The following BCL11A variants were observed in gnomAD, a reference collection of about 807,000 sequenced individuals.
The protein encoded by BCL11A is BCL11 transcription factor A.
In BCL11A, 2 loss-of-function variants were observed where a neutral mutation model predicts 55.9. The ratio of observed to expected loss-of-function variants is 0.04; its 90% CI spans 0.01 to 0.11. The LOEUF is 0.11. Ranked by LOEUF, BCL11A falls within the 10% of genes least tolerant of loss-of-function variation. The pLI, the probability that BCL11A is intolerant of heterozygous loss-of-function variation, is 1.00. For missense variants in BCL11A, 817 were observed against 1,137.1 expected (o/e 0.72, Z 4.05); for synonymous variants, 465 against 473.4 (o/e 0.98, Z 0.23).
chr2:60,482,452 A>G (rs950126578), intron 2 of BCL11A, among the ~76,000 whole-genome samples: 1 of 152,228 alleles, frequency 6.6e-6, no homozygotes, highest in African/African-American at 2.4e-5. Context: ...CCAGGCATAC[A>G]GAGTGGGAAA....
chr2:60,552,465 G>T (rs1670454415), intron 1 of BCL11A, among the ~76,000 whole-genome samples: 1 of 152,038 alleles, frequency 6.6e-6, no homozygotes, highest in South Asian at 2.1e-4. Context: ...AGCGCGAGGA[G>T]CCGGCACAAA....
At chr2:60,464,913 C>T (rs1163235733) in intron 3 of BCL11A, among the ~76,000 whole-genome samples, 3 of 152,142 alleles carry the variant, frequency 2.0e-5, no homozygotes, top group Non-Finnish European at 4.4e-5. Context: ...GAGCATACAA[C>T]ATACAGTTTT....
chr2:60,514,143 T>C lies in BCL11A; in HGVS notation c.385+31828A>G, dbSNP rs113246842. Among the ~76,000 whole-genome samples the C allele has an allele frequency of 2.6e-3, 392 of 152,256 alleles. 3 individuals are homozygous for C. Among genetic ancestry groups the C allele is most frequent in the African/African-American group, 8.6e-3 (359 of 41,550 alleles). ...AGCTAGCAGTGCTCCAAGCACTCTC[T>C]GAGAGGCTTCCAGGCTGGAGCTCTG... On this transcript the variant is annotated intron_variant, in intron 2 of 3. Coordinates refer to ENST00000642384, the MANE Select transcript of BCL11A (RefSeq NM_022893.4).
At chr2:60,488,320 G>A (rs768518278) in intron 2 of BCL11A, among the ~76,000 whole-genome samples, 1 of 152,208 alleles carries the variant, frequency 6.6e-6, no homozygotes, top group Non-Finnish European at 1.5e-5. Context: ...AGTGGGAATT[G>A]CCATTGTGTC....
At chr2:60,469,297 T>C (rs989335371) in intron 2 of BCL11A, among the ~76,000 whole-genome samples, 1 of 152,188 alleles carries the variant, frequency 6.6e-6, no homozygotes, top group Non-Finnish European at 1.5e-5. Context: ...TGAGTAGATT[T>C]GTGAATCGTT....
At chr2:60,465,690 C>T (rs2103899943) in intron 3 of BCL11A, among the ~76,000 whole-genome samples, 1 of 152,250 alleles carries the variant, frequency 6.6e-6, no homozygotes, top group Middle Eastern at 3.4e-3. Flanking sequence ...CTTGGAATTC[C>T]TATCTGTAAA....
chr2:60,537,805 C>T (rs1482559072), intron 2 of BCL11A: 5 of 152,184 alleles, frequency 3.3e-5, no homozygotes, highest in Non-Finnish European at 5.9e-5. Flanking sequence ...AATAGAAAGG[C>T]GAGGTAGGTA....
chr2:60,523,045 T>G (rs1164084284), intron 2 of BCL11A, among the ~76,000 whole-genome samples: 2 of 152,230 alleles, frequency 1.3e-5, no homozygotes, highest in African/African-American at 2.4e-5. Flanking sequence ...CTCTGTAGAC[T>G]CTGTGGGTAA....
At chr2:60,548,695 G>A (rs765831216) in intron 1 of BCL11A, among the ~76,000 whole-genome samples, 10 of 152,206 alleles carry the variant, frequency 6.6e-5, no homozygotes, top group African/African-American at 1.2e-4. Context: ...TCTAATGTAT[G>A]AAATACGTTT....
chr2:60,495,667 C>T (rs941857870), intron 2 of BCL11A: 7 of 152,270 alleles, frequency 4.6e-5, no homozygotes, highest in African/African-American at 1.7e-4. Flanking sequence ...AACAGACACA[C>T]GTATGTGTTG....
chr2:60,548,852 C>T (rs1276842524), intron 1 of BCL11A, among the ~76,000 whole-genome samples: 4 of 152,214 alleles, frequency 2.6e-5, no homozygotes, highest in Non-Finnish European at 4.4e-5. Context: ...GTGTAGTCTA[C>T]TGATTTGCAT....
chr2:60,452,002 A>G (rs1162606385), exon 5 of BCL11A: 1 of 227,372 alleles, frequency 4.4e-6, no homozygotes, highest in Admixed American at 5.7e-5. Context: ...ATAAGCGGTA[A>G]CCTAGTTCCC....
intron 2 of BCL11A, among the ~76,000 whole-genome samples, chr2:60,513,785 G>C (rs1668597272): frequency 6.6e-6 from 1 of 152,252 alleles, no homozygotes; most frequent in Non-Finnish European, 1.5e-5. Flanking sequence ...AGCTGGGTCA[G>C]CACCTACGAA....
intron 2 of BCL11A, among the ~76,000 whole-genome samples, chr2:60,519,539 T>TTGCCTGCCTGCCTGCCTGCCTGCCTGCC (rs3028029): frequency 5.4e-5 from 8 of 147,532 alleles, no homozygotes; most frequent in Non-Finnish European, 1.1e-4. Flanking sequence ...AGGTCCTCAC[T>TTGCCTGCCTGCCTGCCTGCCTGCCTGCC]TGCCTGCCTG....
intron 2 of BCL11A, among the ~76,000 whole-genome samples, chr2:60,481,667 C>T (rs45588431): frequency 5.9e-5 from 9 of 152,182 alleles, no homozygotes; most frequent in Admixed American, 1.3e-4. Flanking sequence ...TGACGCTCCA[C>T]CCCCTACATC....
At chr2:60,469,900 G>A (rs1028160291) in intron 2 of BCL11A, among the ~76,000 whole-genome samples, 12 of 152,214 alleles carry the variant, frequency 7.9e-5, no homozygotes, top group South Asian at 2.1e-4. Context: ...TGGGGAGGGC[G>A]GGAGACAAGA....
At chr2:60,534,840 T>G (rs977659433) in intron 2 of BCL11A, 13 of 152,238 alleles carry the variant, frequency 8.5e-5, no homozygotes, top group African/African-American at 3.1e-4. Flanking sequence ...CAAATTACAT[T>G]AATGAAGGAG....
At chr2:60,500,654 G>C (rs940286372) in intron 2 of BCL11A, among the ~76,000 whole-genome samples, 20 of 152,188 alleles carry the variant, frequency 1.3e-4, no homozygotes, top group African/African-American at 4.8e-4. Flanking sequence ...CCCTCCACCA[G>C]TTAAGGTATA....
At chr2:60,550,239 G>T (rs980679076) in intron 1 of BCL11A, among the ~76,000 whole-genome samples, 16 of 152,194 alleles carry the variant, frequency 1.1e-4, no homozygotes, top group African/African-American at 3.6e-4. Context: ...CGTGCTCCGA[G>T]CCCGGCGCGC....
Sources: gnomAD v4.1 joint callset for allele counts (sites outside exome capture counted in the v4.1 genomes callset) on GRCh38, gnomAD v4.1.1 for gene constraint, MANE v1.5 for transcripts, NCBI Gene and HGNC (gene_info 2026-07-23, HGNC 2026-07-21) for gene names.